PDE4D: variants seen among roughly 807,000 people sequenced by gnomAD.
PDE4D encodes 3',5'-cyclic-AMP phosphodiesterase 4D.
Under a neutral mutation model 87.4 loss-of-function variants are expected in PDE4D, and 24 were observed. The ratio of observed to expected loss-of-function variants is 0.27; its 90% confidence interval spans 0.20 to 0.39. The LOEUF is 0.39. PDE4D is among the 10% of genes least tolerant of loss of function. The pLI is 1.00. For synonymous variants in PDE4D, 384 were observed against 383.2 expected (o/e 1.00, Z -0.02); for missense variants, 714 against 1,041.0 (o/e 0.69, Z 4.32).
chr5:59,924,819 A>G (rs1755062525), intron 3 of PDE4D, among the ~76,000 whole-genome samples: 1 of 152,218 alleles, frequency 6.6e-6, no homozygotes, highest in Non-Finnish European at 1.5e-5. Flanking sequence ...GTATAACATT[A>G]TAATTGCGAT....
intron 1 of PDE4D, among the ~76,000 whole-genome samples, chr5:59,304,585 G>T (rs772927513): frequency 1.3e-5 from 2 of 151,994 alleles, no homozygotes; most frequent in Admixed American, 6.6e-5. Flanking sequence ...TGCTGATTTT[G>T]CTGAGAGCTT....
At chr5:60,046,493 G>A (rs1445279606) in intron 2 of PDE4D, among the ~76,000 whole-genome samples, 1 of 152,040 alleles carries the variant, frequency 6.6e-6, no homozygotes, top group Non-Finnish European at 1.5e-5. Context: ...GTATGATATT[G>A]GCTGTGGGTT....
intron 3 of PDE4D, among the ~76,000 whole-genome samples, chr5:59,924,642 T>C (rs1029984531): frequency 6.6e-6 from 1 of 151,198 alleles, no homozygotes; most frequent in Admixed American, 6.6e-5. Context: ...CATGGAGATA[T>C]AAAGACTTTC....
rs544673591 is a variant in PDE4D, at chr5:59,700,370, G to C, written c.455+192798C>G. Among the ~76,000 whole-genome samples the C allele has an allele frequency of 5.9e-5, 9 of 152,096 alleles. No homozygotes were observed. In the East Asian group the frequency reaches 1.5e-3, roughly 26 times the overall value. On this transcript the variant is annotated intron_variant, in intron 1 of 14. Coordinates refer to ENST00000340635, the MANE Select transcript of PDE4D (RefSeq NM_001104631.2). ...TCCTTCTATAAATCATGCCACAAAG[G>C]TTAAAAAATTAAATAACGACATAGG...
chr5:59,522,097 C>A (rs1812345918), intron 1 of PDE4D, among the ~76,000 whole-genome samples: 1 of 152,082 alleles, frequency 6.6e-6, no homozygotes, highest in Non-Finnish European at 1.5e-5. Context: ...ATACAGTACA[C>A]TTTAAACAAA....
At chr5:59,557,601 C>T (rs980909031) in intron 1 of PDE4D, among the ~76,000 whole-genome samples, 5 of 151,986 alleles carry the variant, frequency 3.3e-5, no homozygotes, top group East Asian at 1.9e-4. Context: ...TTTATGTCTA[C>T]CAATATATAT....
intron 1 of PDE4D, among the ~76,000 whole-genome samples, chr5:60,275,581 T>C (rs1186311603): frequency 6.6e-5 from 10 of 151,698 alleles, no homozygotes; most frequent in Non-Finnish European, 1.3e-4. Flanking sequence ...AATGTGTTTT[T>C]TGAACTCATG....
chr5:59,979,532 A>G (rs578258441), intron 3 of PDE4D, among the ~76,000 whole-genome samples: 120 of 152,052 alleles, frequency 7.9e-4, no homozygotes, highest in African/African-American at 2.7e-3. Context: ...CCTCCTGGGA[A>G]TGTGGACAAA....
intron 1 of PDE4D, among the ~76,000 whole-genome samples, chr5:60,358,224 G>C (rs1322518834): frequency 6.6e-6 from 1 of 152,162 alleles, no homozygotes; most frequent in Non-Finnish European, 1.5e-5. Context: ...TGCAGTAAGG[G>C]AGTAGCCCTT....
intron 2 of PDE4D, chr5:60,160,867 A>G (rs1287252910): frequency 2.3e-6 from 1 of 431,682 alleles, no homozygotes; most frequent in African/African-American, 2.1e-5. Context: ...ACCTTATAAA[A>G]GACTGATTTG....
At chr5:59,191,350 T>C (rs1350759063) in intron 3 of PDE4D, among the ~76,000 whole-genome samples, 1 of 151,926 alleles carries the variant, frequency 6.6e-6, no homozygotes, top group Non-Finnish European at 1.5e-5. Flanking sequence ...AAAGACCATA[T>C]ATCATACACA....
rs534155218 is a variant in PDE4D, at chr5:59,216,058, A to G, written c.456-90T>C. On this transcript the variant is annotated intron_variant, in intron 1 of 14. Coordinates refer to ENST00000340635, the MANE Select transcript of PDE4D (RefSeq NM_001104631.2). ...ATTTAGCGTCAGCTGAGGAACTGAC[A>G]GTGGAATTAGCAGGAATGAAAATTA... 9 of 844,764 alleles carry G rather than the reference A, an allele frequency of 1.1e-5. No individual in the cohort carries two copies. The South Asian group carries it at 1.6e-4, about 15-fold the overall frequency. The allele number at this position is 844,764 out of a possible 1,614,324, so 52.3% of individuals were successfully genotyped here.
At chr5:59,133,386 T>C (rs924909444) in intron 5 of PDE4D, among the ~76,000 whole-genome samples, 2 of 152,164 alleles carry the variant, frequency 1.3e-5, no homozygotes, top group East Asian at 1.9e-4. Flanking sequence ...CATTTGTAAA[T>C]TGGAGTCCAT....
At chr5:59,270,431 C>G (rs762132530) in intron 1 of PDE4D, among the ~76,000 whole-genome samples, 15 of 152,044 alleles carry the variant, frequency 9.9e-5, no homozygotes, top group Non-Finnish European at 2.1e-4. Context: ...CAACCTGAAG[C>G]CTTACAGAGC....
intron 1 of PDE4D, among the ~76,000 whole-genome samples, chr5:60,353,264 T>C (rs1759349255): frequency 2.6e-5 from 4 of 152,310 alleles, no homozygotes; most frequent in Admixed American, 2.0e-4. Context: ...ACTAACCACT[T>C]TGATCCTGGG....
intron 1 of PDE4D, among the ~76,000 whole-genome samples, chr5:59,605,762 C>G (rs1221408920): frequency 1.3e-5 from 2 of 152,026 alleles, no homozygotes; most frequent in African/African-American, 2.4e-5. Flanking sequence ...GTCACTTTCA[C>G]CAGAAGCAGG....
intron 6 of PDE4D, among the ~76,000 whole-genome samples, chr5:59,030,795 G>C (rs1463317963): frequency 6.6e-6 from 1 of 152,146 alleles, no homozygotes. Flanking sequence ...ACCACAATGA[G>C]CTATCACCTC....
chr5:59,949,306 G>A (rs1426312503), intron 3 of PDE4D, among the ~76,000 whole-genome samples: 1 of 151,998 alleles, frequency 6.6e-6, no homozygotes, highest in East Asian at 1.9e-4. Flanking sequence ...GGTGGCGGAA[G>A]CCTGTATTCC....
chr5:60,097,340 T>C (rs1331498609), intron 2 of PDE4D, among the ~76,000 whole-genome samples: 1 of 148,266 alleles, frequency 6.7e-6, no homozygotes, highest in East Asian at 1.9e-4. Context: ...AAAGGACAAA[T>C]AGAGAGCAAG....
Sources: allele counts gnomAD v4.1 joint callset (sites outside exome capture counted in the v4.1 genomes callset), GRCh38; gene constraint gnomAD v4.1.1; transcripts MANE v1.5; gene names NCBI Gene and HGNC (gene_info 2026-07-23, HGNC 2026-07-21).